The following TBC1D22A variants were observed in gnomAD, a reference collection of about 807,000 sequenced individuals.
The protein encoded by TBC1D22A is putative GTPase activator.
A neutral mutation model predicts 60.2 loss-of-function variants in TBC1D22A; 38 were observed. The observed-to-expected ratio is 0.63, with a 90% CI of 0.49 to 0.83. The LOEUF (loss-of-function observed/expected upper bound fraction) is 0.83. TBC1D22A is among the 40% of genes least tolerant of loss of function. The probability of loss-of-function intolerance (pLI) is 0.00; values close to 1 mark genes in which losing one functional copy is unlikely to be tolerated. For synonymous variants in TBC1D22A, 302 were observed against 281.7 expected, an observed-to-expected ratio of 1.07 and a Z score of -0.72; for missense variants, 628 against 701.0, an observed-to-expected ratio of 0.90 and a Z score of 1.18.
At chr22:46,890,005 C>G (rs977324123) in intron 5 of TBC1D22A, among the ~76,000 whole-genome samples, 1 of 152,168 alleles carries the variant, frequency 6.6e-6, no homozygotes, top group African/African-American at 2.4e-5. Context: ...CCATTTATAT[C>G]TGGGGGTTTT....
intron 8 of TBC1D22A, among the ~76,000 whole-genome samples, chr22:46,949,206 G>T (rs759915155): frequency 3.3e-5 from 5 of 152,166 alleles, no homozygotes; most frequent in Admixed American, 2.6e-4. Flanking sequence ...CAAAGAAGAC[G>T]CAACATCAAG....
chr22:46,894,854 G>A lies in TBC1D22A; in HGVS notation c.900+8G>A, dbSNP rs748831813. Reference sequence around the variant, plus strand: ...CAGCCCAAGGTGACGGAGGTAAGAAGCTCTTGCCGTGGGGAGTTCCCCTCG... The same window carrying A: ...CAGCCCAAGGTGACGGAGGTAAGAAACTCTTGCCGTGGGGAGTTCCCCTCG... On this transcript the variant is annotated splice_region_variant and intron_variant, in intron 7 of 12. Coordinates refer to ENST00000337137, the MANE Select transcript of TBC1D22A (RefSeq NM_014346.5). 2.5e-6 allele frequency: 4 copies of A among 1,614,170 alleles called. No individual in the cohort carries two copies. Among genetic ancestry groups the A allele is most frequent in the Non-Finnish European group, 8.5e-7 (1 of 1,179,994 alleles).
intron 9 of TBC1D22A, among the ~76,000 whole-genome samples, chr22:46,988,201 T>G (rs549076817): frequency 1.3e-5 from 2 of 152,236 alleles, no homozygotes; most frequent in Admixed American, 1.3e-4. Context: ...AATTCTGTTG[T>G]CTATTTCCAC....
intron 11 of TBC1D22A, among the ~76,000 whole-genome samples, chr22:47,045,741 G>A (rs2063010641): frequency 6.6e-6 from 1 of 152,138 alleles, no homozygotes; most frequent in South Asian, 2.1e-4. Context: ...CCACCCTGTG[G>A]GGTACCTGCT....
chr22:46,842,761 G>T (rs556314559), intron 4 of TBC1D22A, among the ~76,000 whole-genome samples: 1 of 152,364 alleles, frequency 6.6e-6, no homozygotes, highest in Admixed American at 6.5e-5. Context: ...CACGCCCAGC[G>T]GGCAGCTTCG....
At chr22:46,858,674 A>G (rs1339019565) in intron 4 of TBC1D22A, among the ~76,000 whole-genome samples, 2 of 152,186 alleles carry the variant, frequency 1.3e-5, no homozygotes, top group East Asian at 1.9e-4. Context: ...GCGCTGAGCG[A>G]TACGCTGGCG....
chr22:47,029,406 T>C (rs897628636), intron 10 of TBC1D22A, among the ~76,000 whole-genome samples: 2 of 152,190 alleles, frequency 1.3e-5, no homozygotes, highest in African/African-American at 2.4e-5. Flanking sequence ...CCCTCAGAGC[T>C]TGGTGACCGG....
chr22:47,141,298 T>G (rs1241094905), intron 12 of TBC1D22A, among the ~76,000 whole-genome samples: 1 of 152,240 alleles, frequency 6.6e-6, no homozygotes, highest in African/African-American at 2.4e-5. Context: ...GAGATTTGGG[T>G]GGGGACACAG....
intron 8 of TBC1D22A, among the ~76,000 whole-genome samples, chr22:46,963,923 C>G (rs1387823175): frequency 2.6e-5 from 4 of 152,206 alleles, no homozygotes; most frequent in African/African-American, 9.7e-5. Flanking sequence ...GGCCACTGTT[C>G]CTTCTATGTG....
At chr22:46,814,392 A>G (rs946926097) in intron 4 of TBC1D22A, among the ~76,000 whole-genome samples, 4 of 152,216 alleles carry the variant, frequency 2.6e-5, no homozygotes, top group Non-Finnish European at 4.4e-5. Context: ...TTTTGACGTC[A>G]CAGAGCCAGG....
chr22:46,893,846 C>T (rs568630301), intron 6 of TBC1D22A, among the ~76,000 whole-genome samples: 2 of 152,338 alleles, frequency 1.3e-5, no homozygotes, highest in Admixed American at 6.5e-5. Flanking sequence ...GTGTGTGCCT[C>T]AGCTTACTCC....
chr22:47,031,105 A>T (rs1255730531), intron 10 of TBC1D22A, among the ~76,000 whole-genome samples: 1 of 152,170 alleles, frequency 6.6e-6, no homozygotes, highest in Non-Finnish European at 1.5e-5. Context: ...AGCGCTTGCC[A>T]TGGAGTCCCT....
chr22:46,904,427 G>A (rs528736657), intron 7 of TBC1D22A, among the ~76,000 whole-genome samples: 127 of 152,062 alleles, frequency 8.4e-4, no homozygotes, highest in African/African-American at 2.9e-3. Context: ...GCTCTCAGCC[G>A]CGAGTGCTTT....
intron 12 of TBC1D22A, among the ~76,000 whole-genome samples, chr22:47,168,591 C>T (rs1355602129): frequency 6.6e-6 from 1 of 152,180 alleles, no homozygotes; most frequent in Non-Finnish European, 1.5e-5. Context: ...TCTTGCTTCC[C>T]TCGCTGCTGC....
chr22:46,847,995 A>G, intron 4 of TBC1D22A, among the ~76,000 whole-genome samples: 1 of 151,212 alleles, frequency 6.6e-6, no homozygotes, highest in Non-Finnish European at 1.5e-5. Context: ...ACCCGGAGGG[A>G]AGACTGCAAA....
intron 7 of TBC1D22A, 107 bp downstream of exon 7, chr22:46,894,953 T>C: frequency 7.9e-7 from 1 of 1,262,018 alleles, no homozygotes; most frequent in Non-Finnish European, 1.2e-6. Flanking sequence ...AGAAGCAAGG[T>C]TGCTGTGGTG....
chr22:46,939,208 T>C (rs2071841118), intron 8 of TBC1D22A, among the ~76,000 whole-genome samples: 1 of 152,206 alleles, frequency 6.6e-6, no homozygotes, highest in African/African-American at 2.4e-5. Flanking sequence ...AGAAGATGAA[T>C]GCAGACAGAT....
rs572868418 is a variant in TBC1D22A at position 46,953,627 on chromosome 22, G to A, written c.1016-20663G>A. On this transcript the variant is annotated intron_variant, in intron 8 of 12. Transcript: ENST00000337137. Reference sequence around the variant, plus strand: ...TTTGTTTTTGAAACATATTTTTACTGGGTACAGAATCCTGGGTTACCAGTT... The same window carrying A: ...TTTGTTTTTGAAACATATTTTTACTAGGTACAGAATCCTGGGTTACCAGTT... Among the ~76,000 whole-genome samples the A allele has an allele frequency of 5.9e-5, 9 of 152,084 alleles. No individual in the cohort carries two copies. In the East Asian group the frequency reaches 9.7e-4, roughly 16 times the overall value.
chr22:46,894,587 C>T (rs776392137), intron 6 of TBC1D22A, among the ~76,000 whole-genome samples, 197 bp from the exon 7 acceptor site: 6 of 152,162 alleles, frequency 3.9e-5, no homozygotes, highest in African/African-American at 1.2e-4. Context: ...TAGGCCTGGG[C>T]GAGCTGTTCA....
Sources: gnomAD v4.1 joint callset for allele counts (sites outside exome capture counted in the v4.1 genomes callset) on GRCh38, gnomAD v4.1.1 for gene constraint, MANE v1.5 for transcripts, NCBI Gene and HGNC (gene_info 2026-07-23, HGNC 2026-07-21) for gene names.